The following DHX16 variants were observed in gnomAD, a reference collection of about 807,000 sequenced individuals.
DHX16 encodes pre-mRNA-splicing factor ATP-dependent RNA helicase DHX16.
Under a neutral mutation model 131.2 loss-of-function variants are expected in DHX16, and 81 were observed. That is an observed-to-expected ratio of 0.62 (90% CI 0.52 to 0.74). The LOEUF (loss-of-function observed/expected upper bound fraction) is 0.74, where lower values mean the gene tolerates loss of function less well. DHX16 is among the 30% of genes least tolerant of loss of function. DHX16 has a pLI of 0.00. For missense variants in DHX16, 980 were observed against 1,363.1 expected, an observed-to-expected ratio of 0.72 and a Z score of 4.43; for synonymous variants, 440 against 520.2, an observed-to-expected ratio of 0.85 and a Z score of 2.10.
At chr6:30,672,583 G>A (rs1769668335) in intron 1 of DHX16, 52 bp downstream of exon 1, 2 of 1,512,572 alleles carry the variant, frequency 1.3e-6, no homozygotes, top group Non-Finnish European at 1.8e-6. Context: ...TGGACCGTTA[G>A]GCCAGCCTCA....
Position 30,657,111 on chromosome 6 carries a change from G to A in DHX16, c.2008-19C>T. 1 of 1,599,942 alleles carries A rather than the reference G, an allele frequency of 6.3e-7. No homozygotes were observed. On this transcript the variant is annotated intron_variant, in intron 12 of 19. Transcript: ENST00000376442. ...CAACCACCTGAGTGATAGGATATGG[G>A]GTCACCCAGTGACCCCACCTACCTA...
At chr6:30,667,472 C>T (rs1190419246) in intron 4 of DHX16, among the ~76,000 whole-genome samples, 2 of 151,606 alleles carry the variant, frequency 1.3e-5, no homozygotes, top group African/African-American at 2.4e-5. Context: ...GTTCTAGCTG[C>T]TCAGGAGGCT....
rs754431092 is a variant in DHX16, at chr6:30,672,758, C to T, written c.84G>A (p.Gln28=). The T allele has an allele frequency of 2.8e-5, 45 of 1,612,990 alleles. No individual in the cohort carries two copies. The South Asian group carries it at 4.7e-4, about 17-fold the overall frequency. ...VLGLSERHVA[Q]FLIGTAQRCT... ...AGCGCTGTGCGGTACCGATCAGAAA[C>T]TGGGCGACGTGCCGCTCGCTCAGCC... is the stretch of plus-strand genomic sequence containing the variant. The change falls in exon 1 of 20, where the codon CAG becomes CAA. Residue 28 remains glutamine, a synonymous_variant. Coordinates refer to ENST00000376442, the MANE Select transcript of DHX16 (RefSeq NM_003587.5).
rs766489199 is a variant in DHX16, at chr6:30,656,910, G to A, written c.2148+42C>T. ...CTTCTGAGTTGGACCTTCTCTGTGG[G>A]CCAACTCCACCTCCCCCACTCCCAT... On this transcript the variant is annotated intron_variant, in intron 13 of 19. Coordinates refer to ENST00000376442, the MANE Select transcript of DHX16 (RefSeq NM_003587.5). The surrounding 1 kb of genome is among the most constrained non-coding windows in gnomAD (Gnocchi z 5.1). 1.9e-6 allele frequency: 3 copies of A among 1,597,260 alleles called. No individual in the cohort carries two copies. The highest frequency in any genetic ancestry group is 2.3e-5 in the South Asian group (2 of 88,852).
chr6:30,658,153 C>T (rs1025446826), intron 12 of DHX16, among the ~76,000 whole-genome samples: 1 of 152,220 alleles, frequency 6.6e-6, no homozygotes, highest in African/African-American at 2.4e-5. Context: ...TGCCTGTAAC[C>T]CAGCACTTTG....
Position 30,672,774 on chromosome 6 carries a change from T to C in DHX16, c.68A>G (p.Glu23Gly). Residue 23 changes from glutamate to glycine, a missense_variant, in exon 1 of 20, where the codon GAG becomes GGG. Coordinates refer to ENST00000376442, the MANE Select transcript of DHX16 (RefSeq NM_003587.5). The part of the protein sequence containing the change: ...DELHSVLGLS[E>G]RHVAQFLIGT... The stretch of plus-strand genomic sequence containing the variant: ...GATCAGAAACTGGGCGACGTGCCGC[T>C]CGCTCAGCCCCAACACCGAGTGCAG... The C allele has an allele frequency of 6.2e-7, 1 of 1,613,014 alleles. No homozygotes were observed. The highest frequency in any genetic ancestry group is 8.5e-7 in the Non-Finnish European group (1 of 1,180,016).
chr6:30,666,745 T>C (rs1383621460), intron 4 of DHX16, among the ~76,000 whole-genome samples: 1 of 152,046 alleles, frequency 6.6e-6, no homozygotes, highest in Non-Finnish European at 1.5e-5. Context: ...GAGACGGAGG[T>C]TGCAGTGAGC....
At chr6:30,653,479 C>T in intron 19 of DHX16, 109 bp from the exon 20 acceptor site, 1 of 1,306,078 alleles carries the variant, frequency 7.7e-7, no homozygotes, top group Non-Finnish European at 1.0e-6. Flanking sequence ...ATTGCCCAGG[C>T]TGGACTGCAG....
chr6:30,654,148 T>C (rs1308434258), intron 19 of DHX16, among the ~76,000 whole-genome samples: 1 of 152,062 alleles, frequency 6.6e-6, no homozygotes, highest in Non-Finnish European at 1.5e-5. Flanking sequence ...ATAAAGACTA[T>C]ACTCTGTGAG....
In DHX16 at chr6:30,656,598, T is replaced by C; in HGVS notation, c.2310A>G (p.Leu770=). 1 of 1,614,168 alleles carries C rather than the reference T, an allele frequency of 6.2e-7. No individual in the cohort carries two copies. The highest frequency in any genetic ancestry group is 8.5e-7 in the Non-Finnish European group (1 of 1,180,020). Residue 770 remains leucine (L), a splice_region_variant and synonymous_variant, in exon 14 of 20, where the codon TTA becomes TTG. Transcript: ENST00000376442. The surrounding 1 kb of genome is among the most constrained non-coding windows in gnomAD (Gnocchi z 5.1). ...TCCTCTCTCAGGTAGCCCAATCACC[T>C]AAGCTCTTGAGCAGCAACACGACAT... ...LGNVVLLLKS[L]GIHDLMHFDF...
At chr6:30,664,733 G>C in intron 7 of DHX16, 68 bp downstream of exon 7, 2 of 1,383,494 alleles carry the variant, frequency 1.4e-6, no homozygotes, top group Non-Finnish European at 2.0e-6. Flanking sequence ...AATGTAAAAG[G>C]AGCTCTGACA....
Position 30,655,310 on chromosome 6 carries a change from C to G in DHX16, c.2688G>C (p.Gln896His). 1 of 1,614,164 alleles carries G rather than the reference C, an allele frequency of 6.2e-7. No homozygotes were observed. The change falls in exon 18 of 20, where the codon CAG becomes CAC. Residue 896 changes from glutamine to histidine, a missense_variant. Transcript: ENST00000376442. ...ACTGTACAAAGTTCTCATAGCACCA[C>G]TGGGAAGAGTAACCACTCTCAGCCC... Reference protein sequence around the residue: ...TQWAESGYSSQWCYENFVQFR... With the variant: ...TQWAESGYSSHWCYENFVQFR...
rs1352774032 is a variant in DHX16 at position 30,656,330 on chromosome 6, G to A, written c.2430+61C>T. 9.9e-6 allele frequency: 16 copies of A among 1,609,788 alleles called. No individual in the cohort carries two copies. Among genetic ancestry groups the A allele is most frequent in the Non-Finnish European group, 1.3e-5 (15 of 1,176,462 alleles). On this transcript the variant is annotated intron_variant, in intron 15 of 19. Coordinates refer to ENST00000376442, the MANE Select transcript of DHX16 (RefSeq NM_003587.5). The surrounding 1 kb of genome is among the most constrained non-coding windows in gnomAD (Gnocchi z 5.1). ...CAGGTTTCCCGCTACTACTACAGGG[G>A]TCCCTGGAGCCATCCTGACCCCTAT...
chr6:30,668,268 AC>A (rs1363661215), intron 4 of DHX16, among the ~76,000 whole-genome samples: 88 of 152,244 alleles, frequency 5.8e-4, no homozygotes, highest in African/African-American at 2.1e-3. Flanking sequence ...CATAGTATTA[AC>A]CATTTTTCAA....
In DHX16 at chr6:30,670,593, G is replaced by A; in HGVS notation, c.610-127C>T. On this transcript the variant is annotated intron_variant, in intron 3 of 19. Coordinates refer to ENST00000376442, the MANE Select transcript of DHX16 (RefSeq NM_003587.5). The surrounding 1 kb of genome is among the most constrained non-coding windows in gnomAD (Gnocchi z 4.4). The stretch of plus-strand genomic sequence containing the variant: ...CACAAAAAATGTCCCCTCTCAGTGA[G>A]GAATCTCTCTGATTGCAGGTACAGC... 3.2e-6 allele frequency: 4 copies of A among 1,240,508 alleles called. No homozygotes were observed. Among genetic ancestry groups the A allele is most frequent in the Non-Finnish European group, 3.4e-6 (3 of 885,166 alleles). The allele number at this position is 1,240,508 out of a possible 1,614,324, so 76.8% of individuals were successfully genotyped here. A position where few individuals can be genotyped will look rare whatever the true frequency, so the allele number is the denominator to read the frequency against.
chr6:30,664,493 A>C (rs900230452), intron 7 of DHX16, among the ~76,000 whole-genome samples: 7 of 151,924 alleles, frequency 4.6e-5, no homozygotes, highest in African/African-American at 1.7e-4. Context: ...AAAAAAAAAA[A>C]AACTAACAAA....
At chr6:30,669,152 A>T (rs1222215452) in intron 4 of DHX16, among the ~76,000 whole-genome samples, 1 of 151,854 alleles carries the variant, frequency 6.6e-6, no homozygotes, top group African/African-American at 2.4e-5. Context: ...GGCCAGGCGT[A>T]GTGGCTCATG....
intron 1 of DHX16, among the ~76,000 whole-genome samples, chr6:30,671,577 C>T (rs1409430649): frequency 6.6e-6 from 1 of 151,804 alleles, no homozygotes; most frequent in East Asian, 1.9e-4. Flanking sequence ...AAACTCCTGA[C>T]CTCATGATCC....
At position 30,670,071 on chromosome 6, in the gene DHX16, T is replaced by A. The variant is rs1769390704; in HGVS notation, c.666+339A>T. On this transcript the variant is annotated intron_variant, in intron 4 of 19. Coordinates refer to ENST00000376442, the MANE Select transcript of DHX16 (RefSeq NM_003587.5). The surrounding 1 kb of genome is among the most constrained non-coding windows in gnomAD (Gnocchi z 4.4). ...GCCCTGCCCTTGCCCTCCAGCAACC[T>A]TCTTGACAACATTCCAGCTGCCTCA... Among the ~76,000 whole-genome samples, 1 of 152,172 alleles carries A rather than the reference T, an allele frequency of 6.6e-6. No individual in the cohort carries two copies. Among genetic ancestry groups the A allele is most frequent in the Non-Finnish European group, 1.5e-5 (1 of 68,020 alleles).
Sources: gnomAD v4.1 joint callset for allele counts (sites outside exome capture counted in the v4.1 genomes callset) on GRCh38, gnomAD v4.1.1 for gene constraint, Gnocchi (gnomAD v3.1) non-coding constraint, MANE v1.5 for transcripts, NCBI Gene and HGNC (gene_info 2026-07-23, HGNC 2026-07-21) for gene names.